Variants in PIBF1 observed in about 807,000 individuals in gnomAD.
The protein encoded by PIBF1 is progesterone immunomodulatory binding factor 1.
In PIBF1, 90 loss-of-function variants were observed where a neutral mutation model predicts 112.5. The ratio of observed to expected loss-of-function variants is 0.80; its 90% confidence interval spans 0.67 to 0.95. The LOEUF (loss-of-function observed/expected upper bound fraction) is 0.95. Ranked by LOEUF, PIBF1 falls within the 40% of genes least tolerant of loss-of-function variation. PIBF1 has a pLI of 0.00. For missense variants in PIBF1, 915 were observed against 852.3 expected, an observed-to-expected ratio of 1.07 and a Z score of -0.92; for synonymous variants, 301 against 288.6, an observed-to-expected ratio of 1.04 and a Z score of -0.44.
At chr13:72,974,274 T>C (rs2042967327) in intron 16 of PIBF1, 1 of 152,262 alleles carries the variant, frequency 6.6e-6, no homozygotes, top group Admixed American at 6.5e-5. Flanking sequence ...TTTTGACAAA[T>C]GCACACAGTT....
At chr13:72,808,251 T>C (rs1437874359) in intron 5 of PIBF1, among the ~76,000 whole-genome samples, 1 of 152,234 alleles carries the variant, frequency 6.6e-6, no homozygotes, top group African/African-American at 2.4e-5. Flanking sequence ...GTTTACTTAT[T>C]ATGAACATAT....
intron 17 of PIBF1, among the ~76,000 whole-genome samples, chr13:73,010,681 C>G (rs1275107681): frequency 6.6e-6 from 1 of 152,008 alleles, no homozygotes; most frequent in Admixed American, 6.6e-5. Context: ...AGACTTTTAG[C>G]TGGCTCACCT....
At chr13:72,925,649 C>T (rs1473236882) in intron 13 of PIBF1, among the ~76,000 whole-genome samples, 1 of 140,724 alleles carries the variant, frequency 7.1e-6, no homozygotes, top group Non-Finnish European at 1.5e-5. Context: ...TCAAGTGATT[C>T]TCCTGCCTCA....
intron 14 of PIBF1, among the ~76,000 whole-genome samples, chr13:72,946,466 CT>C (rs1330962818): frequency 6.6e-6 from 1 of 152,130 alleles, no homozygotes; most frequent in African/African-American, 2.4e-5. Context: ...ATCTCATGTC[CT>C]CATATTTCAA....
At chr13:73,011,300 A>G (rs559512029) in intron 17 of PIBF1, among the ~76,000 whole-genome samples, 1 of 152,340 alleles carries the variant, frequency 6.6e-6, no homozygotes, top group African/African-American at 2.4e-5. Flanking sequence ...TTAGGTATGG[A>G]CAAGTCTGAA....
At chr13:72,874,627 G>A (rs1487349659) in intron 10 of PIBF1, among the ~76,000 whole-genome samples, 1 of 152,132 alleles carries the variant, frequency 6.6e-6, no homozygotes, top group Non-Finnish European at 1.5e-5. Context: ...TGGGAGTGAT[G>A]GGAATGATGT....
At chr13:72,862,131 A>G (rs1594075776) in intron 10 of PIBF1, among the ~76,000 whole-genome samples, 1 of 152,236 alleles carries the variant, frequency 6.6e-6, no homozygotes, top group African/African-American at 2.4e-5. Flanking sequence ...GAGATTCAAT[A>G]GAAGAAAACA....
At chr13:72,922,540 C>T (rs750312571) in intron 13 of PIBF1, among the ~76,000 whole-genome samples, 1 of 152,142 alleles carries the variant, frequency 6.6e-6, no homozygotes, top group Non-Finnish European at 1.5e-5. Context: ...TTTGTTTTGG[C>T]TAATCTGAAT....
chr13:72,848,093 C>T (rs2037953421), intron 9 of PIBF1, among the ~76,000 whole-genome samples: 2 of 152,164 alleles, frequency 1.3e-5, no homozygotes, highest in Admixed American at 1.3e-4. Context: ...CTGAGCTCTT[C>T]TGATAGCCAT....
chr13:72,868,845 A>G (rs1366439359), intron 10 of PIBF1, among the ~76,000 whole-genome samples: 3 of 151,816 alleles, frequency 2.0e-5, no homozygotes, highest in Admixed American at 6.6e-5. Context: ...AAAAAAAAAA[A>G]AAAAAAGATG....
chr13:72,873,733 G>A (rs1213369085), intron 10 of PIBF1, among the ~76,000 whole-genome samples: 1 of 149,432 alleles, frequency 6.7e-6, no homozygotes, highest in Non-Finnish European at 1.5e-5. Flanking sequence ...GTAGTTGGGG[G>A]ACAAAAAGAA....
At chr13:72,921,388 C>T (rs908783745) in intron 13 of PIBF1, among the ~76,000 whole-genome samples, 2 of 152,128 alleles carry the variant, frequency 1.3e-5, no homozygotes, top group African/African-American at 4.8e-5. Context: ...ACAAGGATTA[C>T]AGGCATGAGC....
At chr13:72,984,830 G>T (rs1393370560) in intron 16 of PIBF1, among the ~76,000 whole-genome samples, 1 of 151,992 alleles carries the variant, frequency 6.6e-6, no homozygotes, top group African/African-American at 2.4e-5. Context: ...GTTCAGTCTT[G>T]TGTGACCCAA....
At chr13:73,006,024 A>G (rs1018886310) in intron 17 of PIBF1, among the ~76,000 whole-genome samples, 1 of 151,186 alleles carries the variant, frequency 6.6e-6, no homozygotes, top group Admixed American at 6.6e-5. Flanking sequence ...GGTTCAAGCA[A>G]TTCTCCCACC....
intron 15 of PIBF1, among the ~76,000 whole-genome samples, chr13:72,968,930 A>G (rs1330240508): frequency 6.6e-6 from 1 of 151,964 alleles, no homozygotes; most frequent in East Asian, 1.9e-4. Flanking sequence ...AGTCCTGGCT[A>G]CTCAGGAGGC....
chr13:72,805,103 A>G (rs2035658974), intron 5 of PIBF1, among the ~76,000 whole-genome samples: 1 of 152,102 alleles, frequency 6.6e-6, no homozygotes, highest in Non-Finnish European at 1.5e-5. Flanking sequence ...CCTCCCAAGT[A>G]GCTGGGATTA....
intron 8 of PIBF1, 30 bp from the exon 9 acceptor site, chr13:72,835,213 T>C (rs1191729857): frequency 6.6e-7 from 1 of 1,505,130 alleles, no homozygotes; most frequent in African/African-American, 1.4e-5. Flanking sequence ...CAAAAGAAAA[T>C]TTATGGTTGT....
At chr13:72,886,053 A>G (rs1012329934) in intron 10 of PIBF1, among the ~76,000 whole-genome samples, 1 of 152,146 alleles carries the variant, frequency 6.6e-6, no homozygotes, top group Admixed American at 6.6e-5. Context: ...GCCTTTTACA[A>G]TATGTATGTT....
chr13:72,941,234 G>C (rs1345440357), intron 14 of PIBF1, among the ~76,000 whole-genome samples: 2 of 152,180 alleles, frequency 1.3e-5, no homozygotes, highest in African/African-American at 4.8e-5. Context: ...GTATAACAGA[G>C]AAAACAAGTT....
Sources: allele counts gnomAD v4.1 joint callset (sites outside exome capture counted in the v4.1 genomes callset), GRCh38; gene constraint gnomAD v4.1.1; transcripts MANE v1.5; gene names NCBI Gene and HGNC (gene_info 2026-07-23, HGNC 2026-07-21).